FAM171A1: variants seen among roughly 807,000 people sequenced by gnomAD.
FAM171A1 encodes family with sequence similarity 171 member A1, also known as protein FAM171A1.
In FAM171A1, 23 loss-of-function variants were observed where a neutral mutation model predicts 74.9. The ratio of observed to expected loss-of-function variants is 0.31; its 90% CI spans 0.22 to 0.44. FAM171A1 has a LOEUF of 0.44. Among genes scored for constraint, FAM171A1 ranks in the 20% least tolerant of loss-of-function variants. The probability of loss-of-function intolerance (pLI) is 1.00; values close to 1 mark genes in which losing one functional copy is unlikely to be tolerated. For missense variants in FAM171A1, 1,162 were observed against 1,159.2 expected (o/e 1.00, Z -0.03); for synonymous variants, 527 against 505.7 (o/e 1.04, Z -0.57).
intron 1 of FAM171A1, 55 bp downstream of exon 1, chr10:15,370,901 T>A: frequency 1.2e-6 from 1 of 847,538 alleles, no homozygotes; most frequent in African/African-American, 2.2e-5. Flanking sequence ...CGCCGCCGCC[T>A]CCGCGCCAGG....
chr10:15,234,152 A>G (rs1013591163), intron 5 of FAM171A1, among the ~76,000 whole-genome samples: 1 of 149,622 alleles, frequency 6.7e-6, no homozygotes, highest in South Asian at 2.1e-4. Context: ...ATTCGAAAGG[A>G]AAAAAAAAAC....
chr10:15,262,429 G>A (rs1171335282), intron 3 of FAM171A1, among the ~76,000 whole-genome samples: 4 of 152,196 alleles, frequency 2.6e-5, no homozygotes, highest in Non-Finnish European at 5.9e-5. Flanking sequence ...GAAGGAGATT[G>A]AGAAGCAATG....
intron 1 of FAM171A1, among the ~76,000 whole-genome samples, chr10:15,292,952 TTCTG>T (rs1407293128): frequency 3.3e-5 from 5 of 152,212 alleles, no homozygotes; most frequent in Admixed American, 6.5e-5. Flanking sequence ...ATTCTTACTA[TTCTG>T]TCTAAAACGT....
intron 5 of FAM171A1, among the ~76,000 whole-genome samples, chr10:15,226,597 A>G (rs944785845): frequency 6.6e-6 from 1 of 152,170 alleles, no homozygotes; most frequent in Non-Finnish European, 1.5e-5. Flanking sequence ...AAACTTGAAA[A>G]GGCCATTTAT....
At chr10:15,366,236 T>C (rs1836060271) in intron 1 of FAM171A1, among the ~76,000 whole-genome samples, 1 of 152,080 alleles carries the variant, frequency 6.6e-6, no homozygotes, top group Non-Finnish European at 1.5e-5. Flanking sequence ...TGTCCTGCCT[T>C]AGCCTCCCGA....
chr10:15,277,837 GCCTC>G (rs1790448342), intron 2 of FAM171A1, among the ~76,000 whole-genome samples: 1 of 151,938 alleles, frequency 6.6e-6, no homozygotes, highest in South Asian at 2.1e-4. Context: ...GCTCACTCCA[GCCTC>G]TGCCTCCCAC....
At chr10:15,320,036 T>G (rs956264645) in intron 1 of FAM171A1, among the ~76,000 whole-genome samples, 1 of 152,240 alleles carries the variant, frequency 6.6e-6, no homozygotes, top group Non-Finnish European at 1.5e-5. Context: ...GTAAACTGCA[T>G]GTCCTGAGAA....
rs760976201 is a variant in FAM171A1, at chr10:15,213,030, C to T, written c.2558G>A (p.Arg853Lys). The change falls in exon 8 of 8, where the codon AGA (arginine) becomes AAA (lysine). Residue 853 changes from arginine (R) to lysine (K), a missense_variant. Physicochemically the swap from Arg to Lys is conservative, Grantham distance 26. Coordinates refer to ENST00000378116, the MANE Select transcript of FAM171A1 (RefSeq NM_001010924.2). The surrounding 1 kb of genome is among the most constrained non-coding windows in gnomAD (Gnocchi z 6.8). ...PSEPAASPHQ[R>K]RSAHEEEEDD... ...TTCCTCTTCCTCGTGGGCAGATCTTCTCTGGTGGGGGCTGGCTGCTGGCTC... is the reference window on the plus strand; with the variant it reads ...TTCCTCTTCCTCGTGGGCAGATCTTTTCTGGTGGGGGCTGGCTGCTGGCTC... 6.5e-5 allele frequency: 105 copies of T among 1,613,922 alleles called. No individual in the cohort carries two copies. Among genetic ancestry groups the T allele is most frequent in the Middle Eastern group, 1.6e-4 (1 of 6,084 alleles).
chr10:15,316,434 G>A (rs1835422705), intron 1 of FAM171A1, among the ~76,000 whole-genome samples: 2 of 152,216 alleles, frequency 1.3e-5, no homozygotes, highest in Admixed American at 1.3e-4. Context: ...CAGGTGACGG[G>A]CTTCGTGAGA....
chr10:15,336,248 G>A (rs1218140924), intron 1 of FAM171A1, among the ~76,000 whole-genome samples: 1 of 152,046 alleles, frequency 6.6e-6, no homozygotes, highest in Non-Finnish European at 1.5e-5. Flanking sequence ...CCACCCCCAG[G>A]TTGATGGGGC....
chr10:15,348,207 G>T (rs1185212109), intron 1 of FAM171A1, among the ~76,000 whole-genome samples: 3 of 152,176 alleles, frequency 2.0e-5, no homozygotes, highest in Non-Finnish European at 4.4e-5. Context: ...TCAAACTCCT[G>T]ACCTGAGGTG....
chr10:15,346,036 T>C (rs1442793074), intron 1 of FAM171A1, among the ~76,000 whole-genome samples: 1 of 152,158 alleles, frequency 6.6e-6, no homozygotes, highest in African/African-American at 2.4e-5. Flanking sequence ...GACAGCAGCT[T>C]CTGTCTATGA....
At chr10:15,240,222 G>A (rs1834346556) in intron 5 of FAM171A1, among the ~76,000 whole-genome samples, 1 of 152,104 alleles carries the variant, frequency 6.6e-6, no homozygotes, top group African/African-American at 2.4e-5. Context: ...TTAGCCTGGT[G>A]TGGTGGCACA....
At chr10:15,328,314 T>G (rs1268582145) in intron 1 of FAM171A1, among the ~76,000 whole-genome samples, 1 of 152,014 alleles carries the variant, frequency 6.6e-6, no homozygotes, top group African/African-American at 2.4e-5. Flanking sequence ...CCAGCTAATT[T>G]TTTGTATTTT....
chr10:15,247,878 C>T (rs1834455489), intron 5 of FAM171A1, among the ~76,000 whole-genome samples: 1 of 152,132 alleles, frequency 6.6e-6, no homozygotes, highest in South Asian at 2.1e-4. Context: ...GAGGTAAGGC[C>T]TCTGGTCAAC....
intron 1 of FAM171A1, among the ~76,000 whole-genome samples, chr10:15,337,718 G>A (rs1043509951): frequency 2.2e-4 from 34 of 152,278 alleles, no homozygotes; most frequent in African/African-American, 7.9e-4. Context: ...AGAGGCAGAG[G>A]CGAGCGGATC....
At chr10:15,371,309 C>T (rs1836145962), upstream of FAM171A1, among the ~76,000 whole-genome samples, 2 of 145,612 alleles carry the variant, frequency 1.4e-5, no homozygotes, top group Admixed American at 6.8e-5. Flanking sequence ...CTGCCTCGCC[C>T]GCCGCCGCCG....
intron 1 of FAM171A1, among the ~76,000 whole-genome samples, chr10:15,294,576 ATG>A (rs938889226): frequency 1.1e-4 from 17 of 152,210 alleles, no homozygotes; most frequent in African/African-American, 4.1e-4. Context: ...CTTGGCAAAC[ATG>A]AAGAGTGTGG....
chr10:15,230,164 TA>T (rs1184883734), intron 5 of FAM171A1, among the ~76,000 whole-genome samples: 1 of 152,246 alleles, frequency 6.6e-6, no homozygotes, highest in Non-Finnish European at 1.5e-5. Flanking sequence ...CATCAGCCCT[TA>T]AACCACATTC....
Sources: gnomAD v4.1 joint callset for allele counts (sites outside exome capture counted in the v4.1 genomes callset) on GRCh38, gnomAD v4.1.1 for gene constraint, Gnocchi (gnomAD v3.1) non-coding constraint, MANE v1.5 for transcripts, NCBI Gene and HGNC (gene_info 2026-07-23, HGNC 2026-07-21) for gene names.